The following CEP128 variants were observed in gnomAD, a reference collection of about 807,000 sequenced individuals.
CEP128 encodes the protein centrosomal protein 128.
In CEP128, 132 loss-of-function variants were observed where a neutral mutation model predicts 156.7. That is an observed-to-expected ratio of 0.84 (90% confidence interval 0.73 to 0.97). CEP128 has a LOEUF of 0.97. Ranked by LOEUF, CEP128 falls within the 50% of genes least tolerant of loss-of-function variation. The pLI is 0.00. For missense variants in CEP128, 1,252 were observed against 1,281.9 expected, an observed-to-expected ratio of 0.98 and a Z score of 0.36; for synonymous variants, 469 against 448.9, an observed-to-expected ratio of 1.04 and a Z score of -0.57.
At chr14:80,716,783 G>A (rs1353164966) in intron 19 of CEP128, among the ~76,000 whole-genome samples, 2 of 152,126 alleles carry the variant, frequency 1.3e-5, no homozygotes, top group Non-Finnish European at 2.9e-5. Context: ...GTAACTCTAT[G>A]TTAAACTTTT....
rs1372071245 is a variant in CEP128, at chr14:80,856,661, CTGCGTGTGTGTGTG to C, written c.762+6082_762+6095del. Reference sequence around the variant, plus strand: ...CTCATAAAAGTGCTCTGGAGTGTGCCTGCGTGTGTGTGTGTGCGTGTGTGTGTGTGTCCAGCATT... The same window carrying C: ...CTCATAAAAGTGCTCTGGAGTGTGCCTGCGTGTGTGTGTGTGTCCAGCATT... On this transcript the variant is annotated intron_variant, in intron 9 of 24. Coordinates refer to ENST00000555265, the MANE Select transcript of CEP128 (RefSeq NM_152446.5). Among the ~76,000 whole-genome samples the C allele has an allele frequency of 2.9e-4, 43 of 148,554 alleles. 2 individuals carry two copies. The highest frequency in any genetic ancestry group is 1.1e-3 in the African/African-American group (42 of 39,942).
intron 19 of CEP128, among the ~76,000 whole-genome samples, chr14:80,592,899 CA>C (rs1455617754): frequency 6.6e-6 from 1 of 152,118 alleles, no homozygotes; most frequent in Non-Finnish European, 1.5e-5. Flanking sequence ...CAACAAAAGC[CA>C]CATGATTATC....
intron 5 of CEP128, chr14:80,905,486 G>A (rs1883835941): frequency 6.4e-6 from 1 of 157,168 alleles, no homozygotes; most frequent in South Asian, 1.9e-4. Flanking sequence ...CTATACAAAA[G>A]TGTAAGTAAG....
At chr14:80,729,058 G>GGGGTGTGTGTGTGT (rs1898141728) in intron 19 of CEP128, among the ~76,000 whole-genome samples, 2 of 105,022 alleles carry the variant, frequency 1.9e-5, no homozygotes, top group African/African-American at 5.0e-5. Flanking sequence ...GGCTGGTGGG[G>GGGGTGTGTGTGTGT]GTGTGTGTGT....
intron 19 of CEP128, among the ~76,000 whole-genome samples, chr14:80,664,453 T>TA (rs1162895179): frequency 6.7e-6 from 1 of 149,610 alleles, no homozygotes; most frequent in Non-Finnish European, 1.5e-5. Context: ...ATATTCTGGC[T>TA]AAAAAAGAGG....
chr14:80,535,210 A>G (rs1889429167), intron 21 of CEP128, among the ~76,000 whole-genome samples: 1 of 152,220 alleles, frequency 6.6e-6, no homozygotes, highest in South Asian at 2.1e-4. Context: ...TATTATTGTT[A>G]TCATCATTAT....
intron 2 of CEP128, among the ~76,000 whole-genome samples, chr14:80,949,769 A>C (rs966360917): frequency 5.3e-5 from 8 of 152,248 alleles, no homozygotes; most frequent in Non-Finnish European, 1.2e-4. Flanking sequence ...AGTGCCAAAA[A>C]GGGTAATATT....
chr14:80,798,309 T>C (rs1200567919), intron 13 of CEP128, among the ~76,000 whole-genome samples: 1 of 152,188 alleles, frequency 6.6e-6, no homozygotes, highest in Non-Finnish European at 1.5e-5. Context: ...GTCATAATTA[T>C]GTTAAGATTT....
intron 13 of CEP128, among the ~76,000 whole-genome samples, chr14:80,826,873 C>T (rs1409651130): frequency 6.6e-6 from 1 of 152,062 alleles, no homozygotes; most frequent in African/African-American, 2.4e-5. Flanking sequence ...AATAACTGAT[C>T]AAGGATGCTT....
chr14:80,820,617 T>C lies in CEP128; in HGVS notation c.1209+10526A>G, dbSNP rs536552517. Among the ~76,000 whole-genome samples the C allele has an allele frequency of 3.1e-3, 466 of 152,318 alleles. 1 individual carries two copies. Among genetic ancestry groups the C allele is most frequent in the Non-Finnish European group, 4.0e-3 (273 of 68,014 alleles). The stretch of plus-strand genomic sequence containing the variant: ...AGAAAAGTAGTGGCAAATGTCAGAA[T>C]TGCCATTCTGAACTTGCCTCCGCAA... On this transcript the variant is annotated intron_variant, in intron 13 of 24. Coordinates refer to ENST00000555265, the MANE Select transcript of CEP128 (RefSeq NM_152446.5).
intron 19 of CEP128, among the ~76,000 whole-genome samples, chr14:80,624,321 A>G (rs1470295648): frequency 2.0e-5 from 3 of 151,894 alleles, no homozygotes; most frequent in South Asian, 2.1e-4. Context: ...TTATCCATTC[A>G]TCTGTTGATG....
chr14:80,534,652 C>T (rs1422094734), intron 21 of CEP128, among the ~76,000 whole-genome samples: 1 of 151,798 alleles, frequency 6.6e-6, no homozygotes, highest in African/African-American at 2.4e-5. Context: ...GGTGAAACCC[C>T]ATCTCTACTA....
chr14:80,688,675 C>T (rs1278281029), intron 19 of CEP128, among the ~76,000 whole-genome samples: 4 of 152,166 alleles, frequency 2.6e-5, no homozygotes, highest in Non-Finnish European at 4.4e-5. Flanking sequence ...CCAGCTGTTT[C>T]AAAACATGGG....
At chr14:80,860,479 T>C (rs1013811262) in intron 9 of CEP128, among the ~76,000 whole-genome samples, 1 of 152,278 alleles carries the variant, frequency 6.6e-6, no homozygotes, top group Middle Eastern at 3.4e-3. Flanking sequence ...TGTAATTTTG[T>C]GCATTCTGCA....
At position 80,572,805 on chromosome 14, in the gene CEP128, G is replaced by A. The variant is rs193167590; in HGVS notation, c.2856+7569C>T. ...ACAGTTGAGCCAAGGTATGTTTTCT[G>A]GAAGCGTTGCTTTTCACAAAGTCAA... On this transcript the variant is annotated intron_variant, in intron 20 of 24. Coordinates refer to ENST00000555265, the MANE Select transcript of CEP128 (RefSeq NM_152446.5). 7.2e-4 allele frequency among the ~76,000 whole-genome samples: 110 copies of A among 152,316 alleles called. No homozygotes were observed. The South Asian group carries it at 0.011, about 15-fold the overall frequency.
At chr14:80,673,637 C>T (rs1236002080) in intron 19 of CEP128, among the ~76,000 whole-genome samples, 25 of 82,484 alleles carry the variant, frequency 3.0e-4, no homozygotes, top group African/African-American at 1.6e-3. Flanking sequence ...CAGAGCGAGA[C>T]TCCGTCTCAA....
chr14:80,593,131 T>C (rs947270690), intron 19 of CEP128, among the ~76,000 whole-genome samples: 5 of 152,050 alleles, frequency 3.3e-5, no homozygotes, highest in African/African-American at 1.2e-4. Flanking sequence ...TTCAACATAG[T>C]ATTGGAAGTT....
chr14:80,868,405 A>T (rs1045478953), intron 8 of CEP128, among the ~76,000 whole-genome samples: 3 of 151,986 alleles, frequency 2.0e-5, no homozygotes, highest in Non-Finnish European at 4.4e-5. Flanking sequence ...TAGACTCTGT[A>T]TGCAGTCAAA....
Position 80,548,914 on chromosome 14 carries a change from C to T in CEP128, c.2880+10365G>A, listed in dbSNP as rs1890098853. 3.3e-5 allele frequency among the ~76,000 whole-genome samples: 5 copies of T among 152,248 alleles called. No individual in the cohort carries two copies. In the South Asian group the frequency reaches 8.3e-4, roughly 25 times the overall value. On this transcript the variant is annotated intron_variant, in intron 21 of 24. Transcript: ENST00000555265. Reference sequence around the variant, plus strand: ...GGCTGTAGAAAACAATTTTTATAGGCTGAAAGAAACCTCACATTTTTTAAA... The same window carrying T: ...GGCTGTAGAAAACAATTTTTATAGGTTGAAAGAAACCTCACATTTTTTAAA...
Sources: gnomAD v4.1 joint callset for allele counts (sites outside exome capture counted in the v4.1 genomes callset) on GRCh38, gnomAD v4.1.1 for gene constraint, MANE v1.5 for transcripts, NCBI Gene and HGNC (gene_info 2026-07-23, HGNC 2026-07-21) for gene names.